TAFA2: variants seen among roughly 807,000 people sequenced by gnomAD.
The protein encoded by TAFA2 is TAFA chemokine like family member 2.
In TAFA2, 7 loss-of-function variants were observed where a neutral mutation model predicts 18.8. The ratio of observed to expected loss-of-function variants is 0.37; its 90% CI spans 0.21 to 0.70. The LOEUF (loss-of-function observed/expected upper bound fraction) is 0.70, where lower values mean the gene tolerates loss of function less well. Ranked by LOEUF, TAFA2 falls within the 30% of genes least tolerant of loss-of-function variation. The probability of loss-of-function intolerance (pLI) is 0.53; values close to 1 mark genes in which losing one functional copy is unlikely to be tolerated. For synonymous variants in TAFA2, 60 were observed against 54.2 expected (o/e 1.11, Z -0.47); for missense variants, 122 against 158.1 (o/e 0.77, Z 1.23).
intron 1 of TAFA2, among the ~76,000 whole-genome samples, chr12:62,059,775 G>A (rs952057983): frequency 3.3e-5 from 5 of 152,180 alleles, no homozygotes; most frequent in African/African-American, 7.2e-5. Flanking sequence ...TAGGCTGTTC[G>A]TTAAGTTTTT....
chr12:62,132,637 A>G (rs1357025605), intron 1 of TAFA2, among the ~76,000 whole-genome samples: 1 of 151,996 alleles, frequency 6.6e-6, no homozygotes, highest in East Asian at 1.9e-4. Context: ...TAATATGTAA[A>G]TCACAATATT....
intron 1 of TAFA2, among the ~76,000 whole-genome samples, chr12:61,882,988 G>A (rs770886651): frequency 2.0e-5 from 3 of 152,092 alleles, no homozygotes; most frequent in Non-Finnish European, 4.4e-5. Context: ...AAAGCCAAAG[G>A]TTCATCCTCC....
intron 1 of TAFA2, among the ~76,000 whole-genome samples, chr12:61,930,707 G>A (rs531596684): frequency 3.3e-5 from 5 of 152,138 alleles, no homozygotes; most frequent in Non-Finnish European, 5.9e-5. Context: ...TTACTTCCAC[G>A]CCAGATTCAT....
At chr12:61,850,175 G>A (rs1036325802) in intron 2 of TAFA2, among the ~76,000 whole-genome samples, 1 of 151,774 alleles carries the variant, frequency 6.6e-6, no homozygotes, top group African/African-American at 2.4e-5. Flanking sequence ...AATTTTAAGG[G>A]AGAGGGATCA....
intron 2 of TAFA2, among the ~76,000 whole-genome samples, chr12:61,799,695 G>A (rs1871329367): frequency 6.6e-6 from 1 of 152,046 alleles, no homozygotes; most frequent in South Asian, 2.1e-4. Context: ...GGTGGCTGGC[G>A]CCTGTAGTCC....
chr12:62,123,944 T>C (rs80162769), intron 1 of TAFA2, among the ~76,000 whole-genome samples: 2 of 152,208 alleles, frequency 1.3e-5, no homozygotes, highest in East Asian at 3.9e-4. Context: ...GTTACAGAAC[T>C]TATTCATCAA....
chr12:61,891,287 G>A (rs1045823502), intron 1 of TAFA2, among the ~76,000 whole-genome samples: 2 of 152,122 alleles, frequency 1.3e-5, no homozygotes, highest in Non-Finnish European at 2.9e-5. Context: ...GCAGAAGCAG[G>A]AGAAGCAGAA....
At chr12:61,825,286 A>C (rs1448321587) in intron 2 of TAFA2, among the ~76,000 whole-genome samples, 1 of 152,144 alleles carries the variant, frequency 6.6e-6, no homozygotes, top group South Asian at 2.1e-4. Context: ...TAGAATAAGC[A>C]CAGCAACTGA....
intron 1 of TAFA2, among the ~76,000 whole-genome samples, chr12:61,906,076 A>G (rs1876337211): frequency 6.6e-6 from 1 of 152,216 alleles, no homozygotes; most frequent in Non-Finnish European, 1.5e-5. Context: ...GTCAAGAAAA[A>G]GTATACCTAT....
chr12:61,953,111 T>G (rs1301766626), intron 1 of TAFA2, among the ~76,000 whole-genome samples: 1 of 152,106 alleles, frequency 6.6e-6, no homozygotes, highest in African/African-American at 2.4e-5. Context: ...AATCAATACG[T>G]TCTTCTTGAG....
intron 1 of TAFA2, among the ~76,000 whole-genome samples, chr12:61,938,555 T>TG (rs1230500185): frequency 6.6e-6 from 1 of 152,164 alleles, no homozygotes; most frequent in African/African-American, 2.4e-5. Context: ...ATCCCACTCC[T>TG]GGGTATCTAC....
At chr12:62,223,577 A>T (rs2062773328) in intron 1 of TAFA2, among the ~76,000 whole-genome samples, 1 of 152,230 alleles carries the variant, frequency 6.6e-6, no homozygotes, top group African/African-American at 2.4e-5. Context: ...CTACATACAA[A>T]AATCAACTCA....
At chr12:62,161,349 A>G (rs1474434012) in intron 1 of TAFA2, among the ~76,000 whole-genome samples, 1 of 152,240 alleles carries the variant, frequency 6.6e-6, no homozygotes, top group African/African-American at 2.4e-5. Context: ...TGGTGTCTAT[A>G]TATAATGGAA....
intron 1 of TAFA2, among the ~76,000 whole-genome samples, chr12:61,873,090 A>G (rs1295378151): frequency 1.3e-5 from 2 of 152,332 alleles, no homozygotes; most frequent in East Asian, 3.9e-4. Context: ...ATGAAGAAAT[A>G]GGTGTATTAT....
At chr12:62,043,313 G>A (rs1405691603) in intron 1 of TAFA2, among the ~76,000 whole-genome samples, 1 of 152,084 alleles carries the variant, frequency 6.6e-6, no homozygotes, top group African/African-American at 2.4e-5. Flanking sequence ...GTCCTTTGTA[G>A]GGACATGGAT....
At chr12:61,979,947 C>G (rs1879571912) in intron 1 of TAFA2, among the ~76,000 whole-genome samples, 1 of 152,086 alleles carries the variant, frequency 6.6e-6, no homozygotes, top group Non-Finnish European at 1.5e-5. Flanking sequence ...ATCTCATAGG[C>G]AAGATTTACC....
At chr12:61,910,100 TTGTGTGTGTGTGTGTGTGTGTG>T (rs71083963) in intron 1 of TAFA2, among the ~76,000 whole-genome samples, 5 of 144,802 alleles carry the variant, frequency 3.5e-5, no homozygotes, top group South Asian at 2.2e-4. Flanking sequence ...GTGTGTGTGT[TTGTGTGTGTGTGTGTGTGTGTG>T]TGTGTGTGTG....
At chr12:61,795,937 T>C (rs188738665) in intron 2 of TAFA2, among the ~76,000 whole-genome samples, 16 of 152,134 alleles carry the variant, frequency 1.1e-4, no homozygotes, top group Admixed American at 4.6e-4. Flanking sequence ...AACATACCTA[T>C]TAGAAACGCC....
intron 1 of TAFA2, among the ~76,000 whole-genome samples, chr12:61,912,930 T>A (rs573524137): frequency 6.6e-6 from 1 of 152,178 alleles, no homozygotes; most frequent in African/African-American, 2.4e-5. Context: ...GTCTGGGTCA[T>A]AGAGTTAAAA....
Sources: allele counts gnomAD v4.1 joint callset (sites outside exome capture counted in the v4.1 genomes callset), GRCh38; gene constraint gnomAD v4.1.1; transcripts MANE v1.5; gene names NCBI Gene and HGNC (gene_info 2026-07-23, HGNC 2026-07-21).